CCM2: variants seen among roughly 807,000 people sequenced by gnomAD.
CCM2 encodes the protein cerebral cavernous malformations 2 protein.
Under a neutral mutation model 44.9 loss-of-function variants are expected in CCM2, and 25 were observed. That is an observed-to-expected ratio of 0.56 (90% CI 0.41 to 0.78). CCM2 has a LOEUF of 0.78. CCM2 is among the 30% of genes least tolerant of loss of function. The probability of loss-of-function intolerance (pLI) is 0.00; values close to 1 mark genes in which losing one functional copy is unlikely to be tolerated. For missense variants in CCM2, 481 were observed against 580.6 expected, an observed-to-expected ratio of 0.83 and a Z score of 1.76; for synonymous variants, 219 against 241.1, an observed-to-expected ratio of 0.91 and a Z score of 0.85.
At chr7:45,018,203 T>C (rs528943940) in intron 1 of CCM2, among the ~76,000 whole-genome samples, 2 of 152,242 alleles carry the variant, frequency 1.3e-5, no homozygotes, top group Non-Finnish European at 2.9e-5. Flanking sequence ...CAGGTGGTAA[T>C]GCTTGCTGGC....
intron 1 of CCM2, among the ~76,000 whole-genome samples, chr7:45,008,836 A>G (rs1198232249): frequency 6.6e-6 from 1 of 152,204 alleles, no homozygotes; most frequent in Non-Finnish European, 1.5e-5. Flanking sequence ...GCTACTGGGT[A>G]TAGACAATAA....
Position 45,076,080 on chromosome 7 carries a change from C to T in CCM2, c.*23C>T, listed in dbSNP as rs781030372. 1.9e-6 allele frequency: 3 copies of T among 1,612,556 alleles called. No individual in the cohort carries two copies. Among genetic ancestry groups the T allele is most frequent in the South Asian group, 1.1e-5 (1 of 91,066 alleles). On this transcript the variant is annotated 3_prime_UTR_variant, in exon 10 of 10. Coordinates refer to ENST00000258781, the MANE Select transcript of CCM2 (RefSeq NM_031443.4). ...TGATGGACAGTGGATGGGGGGGCACCCACACCTTCCGCGCAGTCGTCATAG... is the reference window on the plus strand; with the variant it reads ...TGATGGACAGTGGATGGGGGGGCACTCACACCTTCCGCGCAGTCGTCATAG...
chr7:45,063,487 T>A (rs1039711592), intron 2 of CCM2, among the ~76,000 whole-genome samples: 5 of 152,254 alleles, frequency 3.3e-5, no homozygotes, highest in African/African-American at 1.2e-4. Flanking sequence ...CTATTTATGC[T>A]CATTTCTCAG....
At chr7:45,007,527 G>A (rs1240734954) in intron 1 of CCM2, among the ~76,000 whole-genome samples, 1 of 152,078 alleles carries the variant, frequency 6.6e-6, no homozygotes, top group Non-Finnish European at 1.5e-5. Context: ...CCTTAGCCTT[G>A]TGTCTGTGCC....
chr7:45,034,735 G>A (rs554622552), intron 1 of CCM2, among the ~76,000 whole-genome samples: 4 of 151,858 alleles, frequency 2.6e-5, no homozygotes, highest in Non-Finnish European at 5.9e-5. Flanking sequence ...GGCCAGGCTG[G>A]TCTCTTAACT....
Position 45,073,303 on chromosome 7 carries a change from T to C in CCM2, c.804-157T>C, listed in dbSNP as rs10272243. 1 allele frequency: 658,203 copies of C among 658,222 alleles called. 329,092 individuals are homozygous for C. Among genetic ancestry groups the C allele is most frequent in the Middle Eastern group, 1 (2,766 of 2,766 alleles). The allele number at this position is 658,222 out of a possible 1,614,324, so 40.8% of individuals were successfully genotyped here. On this transcript the variant is annotated intron_variant, in intron 7 of 9. Coordinates refer to ENST00000258781, the MANE Select transcript of CCM2 (RefSeq NM_031443.4). ...ACCAGGCCAAGCTGACCACCCTGCA[T>C]GCCCAGTCAGCTCTCCTCTCATCAT...
intron 2 of CCM2, among the ~76,000 whole-genome samples, chr7:45,047,596 G>T (rs948964750): frequency 3.3e-5 from 5 of 152,202 alleles, no homozygotes; most frequent in African/African-American, 1.2e-4. Flanking sequence ...GAATTATGTT[G>T]AGTGAAAAAA....
rs182880220 is a variant in CCM2 at position 45,020,131 on chromosome 7, A to T, written c.31-18122A>T. ...TTTTTTTCTCTGCTCCACTCCTCTGAGACTGGGGCATACTCTCAGGAGTAA... is the reference window on the plus strand; with the variant it reads ...TTTTTTTCTCTGCTCCACTCCTCTGTGACTGGGGCATACTCTCAGGAGTAA... On this transcript the variant is annotated intron_variant, in intron 1 of 9. Coordinates refer to ENST00000258781, the MANE Select transcript of CCM2 (RefSeq NM_031443.4). Among the ~76,000 whole-genome samples, 258 of 152,212 alleles carry T rather than the reference A, an allele frequency of 1.7e-3. 2 individuals are homozygous for T. The highest frequency in any genetic ancestry group is 3.2e-3 in the Non-Finnish European group (216 of 68,018).
chr7:45,067,318 G>T (rs575584600), intron 4 of CCM2, among the ~76,000 whole-genome samples: 8 of 151,340 alleles, frequency 5.3e-5, no homozygotes, highest in African/African-American at 1.7e-4. Context: ...GAGCCACCAC[G>T]CCCAGCTAAT....
At chr7:45,062,563 G>A (rs766426076) in intron 2 of CCM2, among the ~76,000 whole-genome samples, 7 of 152,210 alleles carry the variant, frequency 4.6e-5, no homozygotes, top group African/African-American at 9.6e-5. Context: ...GGCTGTGCAT[G>A]GTGCCTCACA....
At chr7:45,065,785 C>T (rs1457760054) in intron 4 of CCM2, among the ~76,000 whole-genome samples, 1 of 151,034 alleles carries the variant, frequency 6.6e-6, no homozygotes, top group East Asian at 2.0e-4. Context: ...AGGCACACAC[C>T]ACACCTACAC....
At chr7:45,059,197 A>G (rs1798407713) in intron 2 of CCM2, among the ~76,000 whole-genome samples, 1 of 152,114 alleles carries the variant, frequency 6.6e-6, no homozygotes, top group African/African-American at 2.4e-5. Flanking sequence ...ATATTTGAAC[A>G]TTGAATTAGC....
chr7:45,047,396 G>A (rs1335848564), intron 2 of CCM2, among the ~76,000 whole-genome samples: 1 of 152,216 alleles, frequency 6.6e-6, no homozygotes, highest in Non-Finnish European at 1.5e-5. Context: ...AAAGGGCTGG[G>A]CATGGTGGCA....
At chr7:45,070,043 C>T (rs1798985777) in intron 6 of CCM2, 82 bp downstream of exon 6, 95 of 1,557,172 alleles carry the variant, frequency 6.1e-5, no homozygotes, top group Non-Finnish European at 8.0e-5. Flanking sequence ...CCATGAGTTA[C>T]TCCTGGAATA....
At chr7:45,064,037 C>A in intron 3 of CCM2, 36 bp downstream of exon 3, 1 of 1,389,630 alleles carries the variant, frequency 7.2e-7, no homozygotes, top group Non-Finnish European at 1.0e-6. Flanking sequence ...CACTAGCCCT[C>A]AGCCCCCACC....
At chr7:45,050,211 A>C (rs557309923) in intron 2 of CCM2, among the ~76,000 whole-genome samples, 1 of 152,352 alleles carries the variant, frequency 6.6e-6, no homozygotes, top group East Asian at 1.9e-4. Context: ...CATGCTGTAC[A>C]GGTTGTAGCC....
chr7:45,057,617 G>C (rs1276635296), intron 2 of CCM2, among the ~76,000 whole-genome samples: 1 of 152,152 alleles, frequency 6.6e-6, no homozygotes, highest in East Asian at 1.9e-4. Context: ...TGGTTTATAT[G>C]AGCAGATAGG....
chr7:45,018,127 C>A (rs1276987577), intron 1 of CCM2, among the ~76,000 whole-genome samples: 2 of 152,124 alleles, frequency 1.3e-5, no homozygotes. Flanking sequence ...CCCTCCAACA[C>A]ACAGTTCAGG....
intron 2 of CCM2, among the ~76,000 whole-genome samples, chr7:45,044,653 C>T (rs1348082973): frequency 1.3e-5 from 2 of 152,168 alleles, no homozygotes; most frequent in Non-Finnish European, 2.9e-5. Flanking sequence ...TAGACTATAT[C>T]ACAGAACCAC....
Sources: allele counts gnomAD v4.1 joint callset (sites outside exome capture counted in the v4.1 genomes callset), GRCh38; gene constraint gnomAD v4.1.1; transcripts MANE v1.5; gene names NCBI Gene and HGNC (gene_info 2026-07-23, HGNC 2026-07-21).